The following RALB variants were observed in gnomAD, a reference collection of about 807,000 sequenced individuals.
RALB encodes the protein ras-related protein Ral-B.
In RALB, 16 loss-of-function variants were observed where a neutral mutation model predicts 21.3. The observed-to-expected ratio is 0.75, with a 90% CI of 0.51 to 1.14. The LOEUF is 1.14. Among genes scored for constraint, RALB ranks in the 50% most tolerant of loss-of-function variants. RALB has a pLI of 0.00. For synonymous variants in RALB, 93 were observed against 96.1 expected, an observed-to-expected ratio of 0.97 and a Z score of 0.19; for missense variants, 161 against 256.2, an observed-to-expected ratio of 0.63 and a Z score of 2.54.
At chr2:120,286,534 T>C (rs561495911) in intron 3 of RALB, among the ~76,000 whole-genome samples, 54 of 152,344 alleles carry the variant, frequency 3.5e-4, no homozygotes, top group Middle Eastern at 3.4e-3. Flanking sequence ...CATTTGCTGC[T>C]ACTTAAGGAC....
At chr2:120,266,960 C>T (rs1689519584) in intron 1 of RALB, among the ~76,000 whole-genome samples, 1 of 151,964 alleles carries the variant, frequency 6.6e-6, no homozygotes, top group South Asian at 2.1e-4. Flanking sequence ...GCATGGGGGC[C>T]CCCTGAGACT....
intron 1 of RALB, among the ~76,000 whole-genome samples, chr2:120,269,353 C>T (rs1689594650): frequency 6.6e-6 from 1 of 152,180 alleles, no homozygotes; most frequent in African/African-American, 2.4e-5. Flanking sequence ...GAGTGAACAG[C>T]AGTAAGATTT....
At chr2:120,260,966 GT>G in intron 1 of RALB, among the ~76,000 whole-genome samples, 1 of 152,326 alleles carries the variant, frequency 6.6e-6, no homozygotes, top group East Asian at 1.9e-4. Context: ...GCTACACAGT[GT>G]GGGGTCTGTG....
In RALB at chr2:120,293,536, T is replaced by G. The variant is rs1339467547; in HGVS notation, c.*276T>G. On this transcript the variant is annotated 3_prime_UTR_variant, in exon 5 of 5. Coordinates refer to ENST00000272519, the MANE Select transcript of RALB (RefSeq NM_002881.3). Reference sequence around the variant, plus strand: ...TTAGCTATGTATAAAGTGCCACAGATAGGAAACAGCTGTTAATTACAAAGA... The same window carrying G: ...TTAGCTATGTATAAAGTGCCACAGAGAGGAAACAGCTGTTAATTACAAAGA... 1 of 206,348 alleles carries G rather than the reference T, an allele frequency of 4.8e-6. No individual in the cohort carries two copies. The highest frequency in any genetic ancestry group is 9.6e-6 in the Non-Finnish European group (1 of 103,782). 12.8% of individuals were successfully genotyped at this position (206,348 alleles called of 1,614,324 possible). A position where few individuals can be genotyped will look rare whatever the true frequency, so the allele number is the denominator to read the frequency against.
intron 1 of RALB, among the ~76,000 whole-genome samples, chr2:120,263,671 C>CA (rs1689427632): frequency 1.3e-5 from 2 of 151,890 alleles, no homozygotes. Flanking sequence ...GCAATCCTCC[C>CA]ACCTCAGCCT....
chr2:120,254,217 A>G (rs1305666173), intron 1 of RALB, among the ~76,000 whole-genome samples: 2 of 152,222 alleles, frequency 1.3e-5, no homozygotes, highest in Non-Finnish European at 2.9e-5. Context: ...TGAGCTCCAG[A>G]GTCAGCAACT....
At chr2:120,262,929 G>C (rs1258575399) in intron 1 of RALB, among the ~76,000 whole-genome samples, 1 of 152,184 alleles carries the variant, frequency 6.6e-6, no homozygotes, top group Non-Finnish European at 1.5e-5. Context: ...ACTGCCCTGA[G>C]ACGTAGGCAG....
intron 1 of RALB, among the ~76,000 whole-genome samples, 181 bp from the exon 2 acceptor site, chr2:120,278,437 G>T (rs1051107085): frequency 2.0e-5 from 3 of 152,324 alleles, no homozygotes; most frequent in African/African-American, 7.2e-5. Context: ...CCCCAGCTGT[G>T]CTGGGGTAAG....
At chr2:120,242,411 A>T (rs1445934136) in intron 1 of RALB, among the ~76,000 whole-genome samples, 1 of 152,190 alleles carries the variant, frequency 6.6e-6, no homozygotes, top group African/African-American at 2.4e-5. Context: ...TATATATTTT[A>T]CCACAATTAA....
At chr2:120,279,572 G>A (rs572715552) in intron 2 of RALB, among the ~76,000 whole-genome samples, 26 of 152,300 alleles carry the variant, frequency 1.7e-4, no homozygotes, top group African/African-American at 6.3e-4. Context: ...GATTTAAAGT[G>A]TACGGGAGGA....
intron 1 of RALB, among the ~76,000 whole-genome samples, chr2:120,247,478 C>T (rs1285350227): frequency 6.6e-6 from 1 of 152,118 alleles, no homozygotes; most frequent in East Asian, 1.9e-4. Context: ...GCTGGCTGGG[C>T]TGTAGGGACC....
At chr2:120,260,133 C>G (rs1049840602) in intron 1 of RALB, among the ~76,000 whole-genome samples, 4 of 152,260 alleles carry the variant, frequency 2.6e-5, no homozygotes, top group African/African-American at 9.6e-5. Flanking sequence ...CGTGCCTCTC[C>G]CTCCACACCT....
At chr2:120,290,591 C>T (rs899800249) in intron 4 of RALB, among the ~76,000 whole-genome samples, 5 of 150,278 alleles carry the variant, frequency 3.3e-5, no homozygotes, top group Middle Eastern at 3.5e-3. Context: ...AGTGTAGTCT[C>T]TAAATAGTAT....
Position 120,252,949 on chromosome 2 carries a change from G to A in RALB, c.-79G>A, listed in dbSNP as rs1689092042. 1 of 985,782 alleles carries A rather than the reference G, an allele frequency of 1.0e-6. No individual in the cohort carries two copies. The highest frequency in any genetic ancestry group is 1.7e-5 in the African/African-American group (1 of 57,302). 61.1% of individuals were successfully genotyped at this position (985,782 alleles called of 1,614,324 possible). ...CGCGTTTAAGAGCTGCGGGCCGGGTGCGGACGGCGGAGGCGGCGGGACTGG... is the reference window on the plus strand; with the variant it reads ...CGCGTTTAAGAGCTGCGGGCCGGGTACGGACGGCGGAGGCGGCGGGACTGG... On this transcript the variant is annotated 5_prime_UTR_variant, in exon 1 of 5. Transcript: ENST00000272519.
At chr2:120,267,873 C>CT (rs2104608601) in intron 1 of RALB, among the ~76,000 whole-genome samples, 1 of 152,250 alleles carries the variant, frequency 6.6e-6, no homozygotes, top group South Asian at 2.1e-4. Flanking sequence ...GTCACTGCAA[C>CT]TTCTGCCTCC....
intron 3 of RALB, among the ~76,000 whole-genome samples, chr2:120,288,542 C>G (rs2104661673): frequency 6.6e-6 from 1 of 151,874 alleles, no homozygotes; most frequent in East Asian, 1.9e-4. Context: ...ATACAGATCT[C>G]TACAAAATAC....
At chr2:120,290,484 C>G (rs945174688) in intron 4 of RALB, among the ~76,000 whole-genome samples, 2 of 152,192 alleles carry the variant, frequency 1.3e-5, no homozygotes, top group African/African-American at 4.8e-5. Context: ...TTGAAAGATA[C>G]GTGGAGCTTC....
intron 1 of RALB, among the ~76,000 whole-genome samples, chr2:120,255,688 T>G (rs1032908980): frequency 1.3e-5 from 2 of 152,240 alleles, no homozygotes; most frequent in African/African-American, 4.8e-5. Context: ...TAGAAGCAAT[T>G]GCAAAATTCT....
At chr2:120,254,274 TAGGAGCG>T (rs373303064) in intron 1 of RALB, among the ~76,000 whole-genome samples, 4 of 152,214 alleles carry the variant, frequency 2.6e-5, no homozygotes, top group Non-Finnish European at 5.9e-5. Flanking sequence ...TTAAACGAAA[TAGGAGCG>T]GGGGAGAAGA....
Sources: gnomAD v4.1 joint callset for allele counts (sites outside exome capture counted in the v4.1 genomes callset) on GRCh38, gnomAD v4.1.1 for gene constraint, MANE v1.5 for transcripts, NCBI Gene and HGNC (gene_info 2026-07-23, HGNC 2026-07-21) for gene names.